Variants in CSMD1 observed in about 807,000 individuals in gnomAD.
CSMD1 encodes the protein CUB and Sushi multiple domains 1.
In CSMD1, 213 loss-of-function variants were observed where a neutral mutation model predicts 417.5. The observed-to-expected ratio is 0.51, with a 90% CI of 0.46 to 0.57. The LOEUF is 0.57. Ranked by LOEUF, CSMD1 falls within the 20% of genes least tolerant of loss-of-function variation. The probability of loss-of-function intolerance (pLI) is 0.00; values close to 1 mark genes in which losing one functional copy is unlikely to be tolerated. For missense variants in CSMD1, 6,923 were observed against 4,529.7 expected, an observed-to-expected ratio of 1.53 and a Z score of -15.17; for synonymous variants, 2,862 against 1,736.8, an observed-to-expected ratio of 1.65 and a Z score of -16.11.
At chr8:2,948,203 G>A (rs1041860847) in intron 68 of CSMD1, among the ~76,000 whole-genome samples, 6 of 152,054 alleles carry the variant, frequency 3.9e-5, no homozygotes, top group Non-Finnish European at 7.4e-5. Flanking sequence ...CAATTATAAC[G>A]ACTTTTGTGC....
chr8:4,129,578 C>G (rs967527090), intron 3 of CSMD1, among the ~76,000 whole-genome samples: 6 of 20,716 alleles, frequency 2.9e-4, no homozygotes, highest in Non-Finnish European at 1.9e-4. Context: ...ATTTACTTTA[C>G]GTTTTTTATT....
intron 3 of CSMD1, among the ~76,000 whole-genome samples, chr8:4,280,252 T>C (rs1796704890): frequency 6.6e-6 from 1 of 152,242 alleles, no homozygotes; most frequent in African/African-American, 2.4e-5. Context: ...GTTAGCTTTG[T>C]ATATTGCAGT....
At chr8:4,336,893 T>C (rs760656845) in intron 3 of CSMD1, among the ~76,000 whole-genome samples, 1 of 152,118 alleles carries the variant, frequency 6.6e-6, no homozygotes, top group African/African-American at 2.4e-5. Context: ...GGGAATGGGA[T>C]TGCCTAATTT....
intron 3 of CSMD1, among the ~76,000 whole-genome samples, chr8:4,206,868 A>G (rs182810401): frequency 3.3e-5 from 5 of 152,298 alleles, no homozygotes; most frequent in East Asian, 1.9e-4. Flanking sequence ...TTTTAATACA[A>G]TATTATTTTT....
At chr8:4,346,707 C>T (rs528702599) in intron 3 of CSMD1, among the ~76,000 whole-genome samples, 11 of 151,854 alleles carry the variant, frequency 7.2e-5, no homozygotes, top group Non-Finnish European at 1.6e-4. Context: ...TCAGAAATGT[C>T]GTATTATTTA....
intron 11 of CSMD1, among the ~76,000 whole-genome samples, chr8:3,487,758 G>A (rs1818140988): frequency 6.6e-6 from 1 of 152,056 alleles, no homozygotes; most frequent in African/African-American, 2.4e-5. Context: ...AAGAGTTCCT[G>A]GAAGCTTACA....
chr8:4,847,342 A>C (rs1398642997), intron 1 of CSMD1, among the ~76,000 whole-genome samples: 1 of 152,240 alleles, frequency 6.6e-6, no homozygotes, highest in Non-Finnish European at 1.5e-5. Flanking sequence ...TTTGAATCCT[A>C]AACAATGACA....
At chr8:4,835,389 G>A (rs991204395) in intron 1 of CSMD1, among the ~76,000 whole-genome samples, 1 of 152,126 alleles carries the variant, frequency 6.6e-6, no homozygotes, top group African/African-American at 2.4e-5. Context: ...TTGGGAAGCT[G>A]AGCATATGAT....
chr8:4,828,242 T>C (rs978556954), intron 1 of CSMD1, among the ~76,000 whole-genome samples: 1 of 152,192 alleles, frequency 6.6e-6, no homozygotes, highest in Admixed American at 6.5e-5. Flanking sequence ...CAATATTATA[T>C]GAAAAGATAT....
Position 3,620,559 on chromosome 8 carries a change from G to A in CSMD1, c.1010-3762C>T, listed in dbSNP as rs532617314. On this transcript the variant is annotated intron_variant, in intron 7 of 69. Coordinates refer to ENST00000635120, the MANE Select transcript of CSMD1 (RefSeq NM_033225.6). The stretch of plus-strand genomic sequence containing the variant: ...CAGACTTGTAAGGATTGAAGTTTTC[G>A]TATATGAATGAAGTAAACTGGTGTC... 2.3e-4 allele frequency among the ~76,000 whole-genome samples: 35 copies of A among 152,190 alleles called. No homozygotes were observed. The South Asian group carries it at 3.7e-3, about 16-fold the overall frequency.
At chr8:4,180,682 G>T (rs796123616) in intron 3 of CSMD1, among the ~76,000 whole-genome samples, 11 of 152,028 alleles carry the variant, frequency 7.2e-5, no homozygotes, top group African/African-American at 2.4e-4. Context: ...CATATGAAAG[G>T]CAAGGTAGCT....
chr8:4,634,584 C>T (rs1024994153), intron 2 of CSMD1, among the ~76,000 whole-genome samples: 7 of 152,168 alleles, frequency 4.6e-5, no homozygotes, highest in African/African-American at 1.7e-4. Context: ...TCAGCAGCTC[C>T]TACATCAATC....
rs571404767 is a variant in CSMD1, at chr8:3,243,378, T to G, written c.4154-13147A>C. Among the ~76,000 whole-genome samples the G allele has an allele frequency of 1.4e-3, 219 of 151,900 alleles. 1 individual carries two copies. The highest frequency in any genetic ancestry group is 5.1e-3 in the African/African-American group (212 of 41,424). ...AGGCTTTGTGTGAGCAATAAAGCTG[T>G]TTATTTCACCTGGGTGCAGGTGGGC... On this transcript the variant is annotated intron_variant, in intron 26 of 69. Coordinates refer to ENST00000635120, the MANE Select transcript of CSMD1 (RefSeq NM_033225.6).
chr8:4,628,409 C>CATAT (rs58486153), intron 2 of CSMD1, among the ~76,000 whole-genome samples: 5 of 140,628 alleles, frequency 3.6e-5, no homozygotes, highest in African/African-American at 1.0e-4. Flanking sequence ...TATATATACA[C>CATAT]ATATATATAC....
chr8:4,424,303 C>G lies in CSMD1; in HGVS notation c.303-4238G>C, dbSNP rs144820085. Among the ~76,000 whole-genome samples the G allele has an allele frequency of 4.1e-3, 622 of 151,984 alleles. 6 individuals are homozygous for G. The highest frequency in any genetic ancestry group is 0.015 in the African/African-American group (608 of 41,486). ...CGCAAGCCAAATATCTGACAAAAGA[C>G]AAGTATCTAGAATATACCATGAACT... On this transcript the variant is annotated intron_variant, in intron 2 of 69. Transcript: ENST00000635120.
chr8:3,052,641 G>GAC lies in CSMD1; in HGVS notation c.7479_7480dup (p.Ser2494CysfsTer85). 1 of 1,599,184 alleles carries GAC rather than the reference G, an allele frequency of 6.3e-7. No homozygotes were observed. Among genetic ancestry groups the GAC allele is most frequent in the African/African-American group, 1.3e-5 (1 of 74,402 alleles). On this transcript the variant is annotated frameshift_variant, in exon 50 of 70. Transcript: ENST00000635120. LOFTEE classifies it high-confidence loss of function. ...TCCTGGGGATTCTGGGATTCCACAG[G>GAC]ACACAGCTGAAAAGAAATGAAACAA...
intron 26 of CSMD1, chr8:3,278,380 T>C (rs1237590337): frequency 6.6e-6 from 1 of 152,184 alleles, no homozygotes; most frequent in East Asian, 1.9e-4. Flanking sequence ...TCTCCAATAA[T>C]TTAATCACAC....
chr8:3,644,024 A>T (rs941896814), intron 7 of CSMD1, among the ~76,000 whole-genome samples: 2 of 152,232 alleles, frequency 1.3e-5, no homozygotes, highest in Non-Finnish European at 2.9e-5. Flanking sequence ...AACTGGAAAC[A>T]AACATTTGAA....
chr8:4,326,375 G>A (rs1165451680), intron 3 of CSMD1, among the ~76,000 whole-genome samples: 2 of 152,164 alleles, frequency 1.3e-5, no homozygotes, highest in African/African-American at 2.4e-5. Flanking sequence ...CACCAATGTG[G>A]CGAGAGGCAC....
Sources: allele counts gnomAD v4.1 joint callset (sites outside exome capture counted in the v4.1 genomes callset), GRCh38; gene constraint gnomAD v4.1.1; transcripts MANE v1.5; gene names NCBI Gene and HGNC (gene_info 2026-07-23, HGNC 2026-07-21).